Variants in MAOA observed in about 807,000 individuals in gnomAD.
MAOA encodes the protein amine oxidase [flavin-containing] A.
A neutral mutation model predicts 42.0 loss-of-function variants in MAOA; 6 were observed. That is an observed-to-expected ratio of 0.14 (90% CI 0.08 to 0.28). The LOEUF (loss-of-function observed/expected upper bound fraction) is 0.28. Ranked by LOEUF, MAOA falls within the 10% of genes least tolerant of loss-of-function variation. MAOA has a pLI of 1.00. For missense variants in MAOA, 262 were observed against 422.3 expected, an observed-to-expected ratio of 0.62 and a Z score of 3.33; for synonymous variants, 140 against 154.0, an observed-to-expected ratio of 0.91 and a Z score of 0.67.
At chrX:43,731,558 C>A in intron 7 of MAOA, 136 bp from the exon 8 acceptor site, 3 of 859,903 alleles carry the variant, frequency 3.5e-6, no homozygotes, top group Non-Finnish European at 5.1e-6. Flanking sequence ...TTTGTTGCCT[C>A]ACAGTTGCCT....
intron 2 of MAOA, among the ~76,000 whole-genome samples, chrX:43,684,358 TG>T (rs963839829): frequency 1.8e-5 from 2 of 108,338 alleles, no homozygotes; most frequent in African/African-American, 6.8e-5. Context: ...TAATGAAGAG[TG>T]GGAAGGAAAT....
chrX:43,740,240 C>T (rs1007169959), intron 10 of MAOA, among the ~76,000 whole-genome samples: 1 of 111,650 alleles, frequency 9.0e-6, no homozygotes, highest in Non-Finnish European at 1.9e-5. Context: ...GTAATTAAAA[C>T]ACAAGTATAG....
intron 8 of MAOA, among the ~76,000 whole-genome samples, chrX:43,732,194 C>T (rs7885398): frequency 0.082 from 9,175 of 111,377 alleles, 921 homozygotes; most frequent in African/African-American, 0.28. Flanking sequence ...TCCGGGACTT[C>T]GCTTGCTTGC....
intron 2 of MAOA, among the ~76,000 whole-genome samples, chrX:43,692,456 G>T (rs1232802293): frequency 2.7e-5 from 3 of 111,073 alleles, no homozygotes; most frequent in Non-Finnish European, 5.7e-5. Flanking sequence ...TCCTCTCTGA[G>T]AAAGATATCA....
intron 9 of MAOA, among the ~76,000 whole-genome samples, chrX:43,733,561 G>C (rs182262673): frequency 3.2e-4 from 36 of 111,710 alleles, no homozygotes; most frequent in African/African-American, 1.1e-3. Context: ...CTGCCTTTTG[G>C]CCTCCTCAAA....
chrX:43,674,539 T>C (rs1020708956), intron 1 of MAOA, among the ~76,000 whole-genome samples: 11 of 110,923 alleles, frequency 9.9e-5, no homozygotes, highest in African/African-American at 3.6e-4. Flanking sequence ...TTCTTCCTAG[T>C]CTCAATGGTC....
In MAOA at chrX:43,743,691, T is replaced by C. The variant is rs919846705; in HGVS notation, c.1263-103T>C. 5.6e-5 allele frequency: 55 copies of C among 983,824 alleles called. No homozygotes were observed. The African/African-American group carries it at 9.2e-4, about 16-fold the overall frequency. 81.1% of individuals were successfully genotyped at this position (983,824 alleles called of 1,213,427 possible). On this transcript the variant is annotated intron_variant, in intron 12 of 14. Transcript: ENST00000338702. The stretch of plus-strand genomic sequence containing the variant: ...TCATACGGGTGTTTTTTAAACAGTC[T>C]GAATTTCTGTGCCTTCTGCAGACTA...
intron 5 of MAOA, among the ~76,000 whole-genome samples, chrX:43,715,953 T>C (rs1347172071): frequency 9.1e-6 from 1 of 109,695 alleles, no homozygotes; most frequent in Non-Finnish European, 1.9e-5. Flanking sequence ...CTTCCAGGAA[T>C]GAGCCACACG....
chrX:43,715,002 G>T (rs1025678399), intron 5 of MAOA, among the ~76,000 whole-genome samples: 2 of 110,689 alleles, frequency 1.8e-5, no homozygotes, highest in Non-Finnish European at 3.8e-5. Context: ...GGTGAGGCAA[G>T]ATGATGTATT....
At chrX:43,729,457 C>T (rs1211309972) in intron 6 of MAOA, among the ~76,000 whole-genome samples, 1 of 111,613 alleles carries the variant, frequency 9.0e-6, no homozygotes, top group Non-Finnish European at 1.9e-5. Context: ...TAATTTAATT[C>T]AACAAATACT....
chrX:43,742,101 G>C, intron 12 of MAOA, 54 bp downstream of exon 12: 2 of 1,203,744 alleles, frequency 1.7e-6, no homozygotes, highest in Non-Finnish European at 2.2e-6. Flanking sequence ...AATTTAAAAG[G>C]AAAAGCAGAG....
At chrX:43,735,393 C>T (rs2033912384) in intron 9 of MAOA, among the ~76,000 whole-genome samples, 1 of 112,018 alleles carries the variant, frequency 8.9e-6, no homozygotes, top group Non-Finnish European at 1.9e-5. Flanking sequence ...AATATACATG[C>T]AGTTAGTAAT....
At chrX:43,704,453 A>T (rs1309188820) in intron 3 of MAOA, among the ~76,000 whole-genome samples, 1 of 111,397 alleles carries the variant, frequency 9.0e-6, no homozygotes, top group African/African-American at 3.3e-5. Context: ...TTATGATAAA[A>T]CCACTAGAAA....
chrX:43,692,589 C>T (rs1454502483), intron 2 of MAOA, among the ~76,000 whole-genome samples: 3 of 106,836 alleles, frequency 2.8e-5, no homozygotes, highest in African/African-American at 1.0e-4. Flanking sequence ...GTATACACAA[C>T]AAAATAGACA....
intron 1 of MAOA, among the ~76,000 whole-genome samples, chrX:43,672,468 T>G (rs951266093): frequency 1.8e-5 from 2 of 111,398 alleles, no homozygotes; most frequent in Non-Finnish European, 3.8e-5. Flanking sequence ...TGGCCAGAAA[T>G]TCCAACACTA....
chrX:43,684,585 T>A (rs374292012), intron 2 of MAOA, among the ~76,000 whole-genome samples: 23 of 108,088 alleles, frequency 2.1e-4, no homozygotes, highest in African/African-American at 7.7e-4. Context: ...ACCCTCGCAT[T>A]TGACAGAAGT....
chrX:43,718,080 A>G (rs1006150641), intron 5 of MAOA, among the ~76,000 whole-genome samples: 22 of 110,915 alleles, frequency 2.0e-4, no homozygotes, highest in Middle Eastern at 4.6e-3. Context: ...GTGTGGCAGG[A>G]TGGTATCTTC....
At position 43,745,835 on chromosome X, in the gene MAOA, A is replaced by G. The variant is rs1002273590; in HGVS notation, c.*1322A>G. The G allele has an allele frequency of 1.8e-5, 2 of 111,846 alleles. No individual in the cohort carries two copies. Among genetic ancestry groups the G allele is most frequent in the African/African-American group, 6.5e-5 (2 of 30,749 alleles). 9.2% of individuals were successfully genotyped at this position (111,846 alleles called of 1,213,427 possible). On this transcript the variant is annotated 3_prime_UTR_variant, in exon 15 of 15. Coordinates refer to ENST00000338702, the MANE Select transcript of MAOA (RefSeq NM_000240.4). ...ATACTTCTTTTTACAATGTATCAAC[A>G]TATTTTTATTTAAGGGGAATTAACA...
At chrX:43,673,784 A>G (rs1354868234) in intron 1 of MAOA, among the ~76,000 whole-genome samples, 2 of 112,042 alleles carry the variant, frequency 1.8e-5, no homozygotes, top group Non-Finnish European at 3.8e-5. Flanking sequence ...CCTGAGTTCT[A>G]GTTTGAATGC....
Sources: gnomAD v4.1 joint callset for allele counts (sites outside exome capture counted in the v4.1 genomes callset) on GRCh38, gnomAD v4.1.1 for gene constraint, MANE v1.5 for transcripts, NCBI Gene and HGNC (gene_info 2026-07-23, HGNC 2026-07-21) for gene names.